Variants in WDR70 observed in about 807,000 individuals in gnomAD.
WDR70 encodes the protein WD repeat-containing protein 70.
WDR70 carries 53 observed loss-of-function variants against 88.6 expected under a neutral mutation model. That is an observed-to-expected ratio of 0.60 (90% CI 0.48 to 0.75). WDR70 has a LOEUF of 0.75. WDR70 is among the 30% of genes least tolerant of loss of function. The pLI is 0.00. For missense variants in WDR70, 610 were observed against 823.2 expected, an observed-to-expected ratio of 0.74 and a Z score of 3.17; for synonymous variants, 280 against 270.0, an observed-to-expected ratio of 1.04 and a Z score of -0.36.
At chr5:37,510,504 C>T (rs187194764) in intron 8 of WDR70, among the ~76,000 whole-genome samples, 75 of 152,278 alleles carry the variant, frequency 4.9e-4, no homozygotes, top group Non-Finnish European at 8.2e-4. Flanking sequence ...TGCTTTGATG[C>T]CCAGGCTGGA....
intron 9 of WDR70, among the ~76,000 whole-genome samples, chr5:37,561,198 A>C (rs1165249780): frequency 6.6e-6 from 1 of 152,186 alleles, no homozygotes; most frequent in East Asian, 1.9e-4. Context: ...CTGGTATTAC[A>C]GGAAAAAAGA....
At chr5:37,579,308 G>T (rs550820006) in intron 9 of WDR70, among the ~76,000 whole-genome samples, 1 of 152,164 alleles carries the variant, frequency 6.6e-6, no homozygotes, top group Non-Finnish European at 1.5e-5. Flanking sequence ...AATTCTGGCC[G>T]GGTGCGGTGG....
At chr5:37,715,710 C>A (rs1369564838) in intron 13 of WDR70, among the ~76,000 whole-genome samples, 1 of 152,096 alleles carries the variant, frequency 6.6e-6, no homozygotes, top group African/African-American at 2.4e-5. Context: ...TGAAACAATT[C>A]CCATTTTACT....
At chr5:37,567,189 A>C (rs575175370) in intron 9 of WDR70, among the ~76,000 whole-genome samples, 1 of 152,308 alleles carries the variant, frequency 6.6e-6, no homozygotes, top group African/African-American at 2.4e-5. Context: ...AACTGGGCTC[A>C]TGGAAAATGA....
At chr5:37,631,054 G>A (rs1398235703) in intron 10 of WDR70, among the ~76,000 whole-genome samples, 2 of 152,146 alleles carry the variant, frequency 1.3e-5, no homozygotes, top group East Asian at 1.9e-4. Flanking sequence ...TCCCTCCGAC[G>A]CCAGGCAGAT....
intron 10 of WDR70, among the ~76,000 whole-genome samples, chr5:37,632,046 A>G (rs1744833485): frequency 6.6e-6 from 1 of 152,160 alleles, no homozygotes; most frequent in African/African-American, 2.4e-5. Flanking sequence ...ACAGTCATGC[A>G]CCACCTAACA....
At chr5:37,389,185 C>T (rs1173122843) in intron 3 of WDR70, among the ~76,000 whole-genome samples, 2 of 150,806 alleles carry the variant, frequency 1.3e-5, no homozygotes, top group South Asian at 2.1e-4. Flanking sequence ...CTCCGCCTTC[C>T]GGGTTCAAGC....
chr5:37,414,060 G>A (rs770897516), intron 5 of WDR70, among the ~76,000 whole-genome samples: 2 of 146,456 alleles, frequency 1.4e-5, no homozygotes, highest in Non-Finnish European at 3.0e-5. Context: ...CAGGAGAATC[G>A]CTTGAACTCA....
chr5:37,692,888 A>G (rs878939078), intron 10 of WDR70, among the ~76,000 whole-genome samples: 2 of 137,640 alleles, frequency 1.5e-5, no homozygotes, highest in East Asian at 4.5e-4. Context: ...AAGAGAAAGA[A>G]ATAAAGGTAT....
intron 13 of WDR70, among the ~76,000 whole-genome samples, chr5:37,711,871 T>C (rs1246245322): frequency 2.0e-5 from 3 of 152,188 alleles, no homozygotes; most frequent in African/African-American, 4.8e-5. Context: ...TTTTATTCTA[T>C]TATATTCTTG....
intron 9 of WDR70, among the ~76,000 whole-genome samples, chr5:37,544,599 A>G (rs1741932903): frequency 6.6e-6 from 1 of 151,958 alleles, no homozygotes; most frequent in Admixed American, 6.6e-5. Flanking sequence ...TGAGAACCAG[A>G]GGAACTTGGG....
intron 10 of WDR70, among the ~76,000 whole-genome samples, chr5:37,682,275 A>G (rs1243174628): frequency 6.6e-6 from 1 of 151,680 alleles, no homozygotes; most frequent in Admixed American, 6.6e-5. Flanking sequence ...AGTGATAATA[A>G]CCCCTTTGTT....
intron 9 of WDR70, among the ~76,000 whole-genome samples, chr5:37,558,210 A>G (rs1742372513): frequency 6.6e-6 from 1 of 152,172 alleles, no homozygotes; most frequent in Admixed American, 6.5e-5. Flanking sequence ...GAATACTGAT[A>G]TGATGTAATC....
At chr5:37,583,197 C>T (rs180950206) in intron 9 of WDR70, among the ~76,000 whole-genome samples, 3 of 152,062 alleles carry the variant, frequency 2.0e-5, no homozygotes, top group Non-Finnish European at 4.4e-5. Flanking sequence ...GAGGCCAAAG[C>T]AGGTGGATCA....
chr5:37,417,177 G>A (rs1235501054), intron 5 of WDR70, among the ~76,000 whole-genome samples: 1 of 152,034 alleles, frequency 6.6e-6, no homozygotes, highest in South Asian at 2.1e-4. Flanking sequence ...CAAATATGGG[G>A]GTACTTTTTA....
intron 15 of WDR70, chr5:37,724,135 G>C (rs1747902443): frequency 6.6e-6 from 1 of 152,044 alleles, no homozygotes; most frequent in Admixed American, 6.6e-5. Flanking sequence ...AAAAGAAACT[G>C]CTAGTACTTT....
chr5:37,715,510 T>A (rs564147913), intron 13 of WDR70, among the ~76,000 whole-genome samples: 1 of 152,212 alleles, frequency 6.6e-6, no homozygotes, highest in Non-Finnish European at 1.5e-5. Context: ...TCTGTAGAGA[T>A]CAGGAGGTGG....
chr5:37,701,768 A>G (rs1747170678), intron 12 of WDR70, among the ~76,000 whole-genome samples: 2 of 142,068 alleles, frequency 1.4e-5, no homozygotes, highest in African/African-American at 5.1e-5. Context: ...CCTGGGGGAC[A>G]GAGCCAGACT....
At chr5:37,584,325 G>A (rs938444982) in intron 9 of WDR70, among the ~76,000 whole-genome samples, 5 of 152,116 alleles carry the variant, frequency 3.3e-5, no homozygotes, top group Non-Finnish European at 7.4e-5. Context: ...CGATTTCTTC[G>A]AATAATTCTC....
Sources: gnomAD v4.1 joint callset for allele counts (sites outside exome capture counted in the v4.1 genomes callset) on GRCh38, gnomAD v4.1.1 for gene constraint, MANE v1.5 for transcripts, NCBI Gene and HGNC (gene_info 2026-07-23, HGNC 2026-07-21) for gene names.